Variants in TTC39C observed in about 807,000 individuals in gnomAD.
The protein encoded by TTC39C is tetratricopeptide repeat domain 39C, also known as tetratricopeptide repeat protein 39C.
Under a neutral mutation model 76.3 loss-of-function variants are expected in TTC39C, and 33 were observed. The observed-to-expected ratio is 0.43, with a 90% CI of 0.33 to 0.58. TTC39C has a LOEUF of 0.58. TTC39C is among the 20% of genes least tolerant of loss of function. The pLI is 0.04. For missense variants in TTC39C, 595 were observed against 701.4 expected (o/e 0.85, Z 1.71); for synonymous variants, 254 against 260.6 (o/e 0.97, Z 0.24).
rs1162192273 is a variant in TTC39C, at chr18:24,082,900, C to T, written c.816-13C>T. 1.3e-6 allele frequency: 2 copies of T among 1,568,900 alleles called. No homozygotes were observed. Among genetic ancestry groups the T allele is most frequent in the Non-Finnish European group, 1.7e-6 (2 of 1,154,496 alleles). The stretch of plus-strand genomic sequence containing the variant: ...AGTTAATGTGCTCAATGTTTCTCTC[C>T]CTCTTCCTCTAGATTAGCTCTGCTC... On this transcript the variant is annotated splice_polypyrimidine_tract_variant and intron_variant, in intron 5 of 13. Transcript: ENST00000317571.
intron 6 of TTC39C, among the ~76,000 whole-genome samples, chr18:24,095,953 A>G (rs1275341920): frequency 2.0e-5 from 3 of 152,192 alleles, no homozygotes; most frequent in African/African-American, 7.2e-5. Flanking sequence ...GAGAGGGAGA[A>G]AGAAGGGGGA....
intron 1 of TTC39C, among the ~76,000 whole-genome samples, chr18:24,061,617 G>T (rs1251502252): frequency 2.1e-5 from 1 of 48,022 alleles, no homozygotes; most frequent in Non-Finnish European, 5.6e-5. Flanking sequence ...AAAAAAAAAA[G>T]CGTGGGCTGG....
At chr18:24,058,287 C>T (rs972780112) in intron 1 of TTC39C, among the ~76,000 whole-genome samples, 1 of 152,106 alleles carries the variant, frequency 6.6e-6, no homozygotes, top group Admixed American at 6.5e-5. Flanking sequence ...TATAGCAAAC[C>T]TTTACATGTA....
intron 6 of TTC39C, among the ~76,000 whole-genome samples, chr18:24,090,406 T>G (rs1376404614): frequency 6.6e-6 from 1 of 152,214 alleles, no homozygotes; most frequent in Non-Finnish European, 1.5e-5. Context: ...TGTTTGCCTA[T>G]TTTTATTTCC....
At chr18:24,090,292 C>T (rs188716764) in intron 6 of TTC39C, among the ~76,000 whole-genome samples, 8 of 152,276 alleles carry the variant, frequency 5.3e-5, no homozygotes, top group African/African-American at 1.9e-4. Flanking sequence ...GGTCTATAAA[C>T]AGCTCTGTGT....
intron 1 of TTC39C, among the ~76,000 whole-genome samples, chr18:23,997,572 A>G (rs2145622198): frequency 6.7e-6 from 1 of 149,748 alleles, no homozygotes; most frequent in South Asian, 2.1e-4. Context: ...AAAAAAAAAA[A>G]AAAGAGAAAG....
intron 1 of TTC39C, among the ~76,000 whole-genome samples, chr18:24,017,314 C>T (rs547310963): frequency 6.6e-6 from 1 of 152,328 alleles, no homozygotes; most frequent in South Asian, 2.1e-4. Context: ...AACCTGGGTT[C>T]CAGTCTTTTG....
At chr18:24,058,162 G>A (rs906870401) in intron 1 of TTC39C, among the ~76,000 whole-genome samples, 13 of 152,216 alleles carry the variant, frequency 8.5e-5, no homozygotes, top group African/African-American at 2.9e-4. Context: ...GTCTACTTGA[G>A]GGTGGAGGGT....
intron 7 of TTC39C, among the ~76,000 whole-genome samples, chr18:24,117,767 G>A (rs139400731): frequency 4.4e-4 from 67 of 152,004 alleles, no homozygotes; most frequent in African/African-American, 1.6e-3. Flanking sequence ...GAGTGGTGTT[G>A]CTTCCACTGT....
intron 4 of TTC39C, among the ~76,000 whole-genome samples, chr18:24,076,475 C>G (rs571603994): frequency 6.6e-6 from 1 of 151,606 alleles, no homozygotes; most frequent in African/African-American, 2.4e-5. Context: ...GCTGCTGGAG[C>G]GGCCCCTGTA....
intron 9 of TTC39C, among the ~76,000 whole-genome samples, chr18:24,124,808 G>A (rs944707494): frequency 1.3e-5 from 2 of 152,144 alleles, no homozygotes; most frequent in Non-Finnish European, 2.9e-5. Flanking sequence ...ATTATTAGCT[G>A]TCACCAAGCT....
intron 10 of TTC39C, among the ~76,000 whole-genome samples, chr18:24,128,134 G>A (rs1165816087): frequency 6.6e-6 from 1 of 152,168 alleles, no homozygotes; most frequent in Non-Finnish European, 1.5e-5. Flanking sequence ...TAAGCACCTA[G>A]AATTGCCTGG....
At chr18:24,109,508 G>C (rs2084786452) in intron 6 of TTC39C, among the ~76,000 whole-genome samples, 1 of 151,968 alleles carries the variant, frequency 6.6e-6, no homozygotes, top group Non-Finnish European at 1.5e-5. Context: ...TGGCCATTAA[G>C]AAAAAAATTT....
intron 1 of TTC39C, among the ~76,000 whole-genome samples, chr18:24,036,174 A>G (rs970004283): frequency 3.3e-5 from 5 of 152,156 alleles, no homozygotes; most frequent in African/African-American, 1.2e-4. Flanking sequence ...GAGATCTTCC[A>G]ATTTGTTCTT....
chr18:24,020,090 A>G (rs2083501234), intron 1 of TTC39C: 4 of 1,306,202 alleles, frequency 3.1e-6, no homozygotes, highest in Non-Finnish European at 2.9e-6. Context: ...AGGAGAGTCC[A>G]CAGATGCAGA....
chr18:24,040,658 G>GTGAT (rs2083781351), intron 1 of TTC39C, among the ~76,000 whole-genome samples: 1 of 152,116 alleles, frequency 6.6e-6, no homozygotes, highest in African/African-American at 2.4e-5. Flanking sequence ...GAGACTCTCG[G>GTGAT]TAAGCATACA....
intron 1 of TTC39C, chr18:24,019,970 C>T (rs904892469): frequency 6.8e-7 from 1 of 1,475,334 alleles, no homozygotes; most frequent in Middle Eastern, 1.7e-4. Context: ...TGCCTAAAAC[C>T]ATGTCAGATT....
At chr18:24,001,642 C>T (rs1043466410) in intron 1 of TTC39C, 2 of 152,274 alleles carry the variant, frequency 1.3e-5, no homozygotes, top group Admixed American at 6.6e-5. Flanking sequence ...ATCACCACCA[C>T]ATCCTCCCAT....
intron 6 of TTC39C, among the ~76,000 whole-genome samples, chr18:24,093,258 T>A (rs554441348): frequency 9.9e-5 from 15 of 152,270 alleles, no homozygotes; most frequent in African/African-American, 3.6e-4. Flanking sequence ...GGCGGGCAGA[T>A]CACGAGGTCA....
Sources: gnomAD v4.1 joint callset for allele counts (sites outside exome capture counted in the v4.1 genomes callset) on GRCh38, gnomAD v4.1.1 for gene constraint, MANE v1.5 for transcripts, NCBI Gene and HGNC (gene_info 2026-07-23, HGNC 2026-07-21) for gene names.